HAUS7: variants seen among roughly 807,000 people sequenced by gnomAD.
HAUS7 encodes HAUS augmin like complex subunit 7.
Under a neutral mutation model 28.4 loss-of-function variants are expected in HAUS7, and 3 were observed. That is an observed-to-expected ratio of 0.11 (90% CI 0.05 to 0.27). The LOEUF is 0.27. Ranked by LOEUF, HAUS7 falls within the 10% of genes least tolerant of loss-of-function variation. The pLI, the probability that HAUS7 is intolerant of heterozygous loss-of-function variation, is 1.00. For missense variants in HAUS7, 284 were observed against 297.3 expected, an observed-to-expected ratio of 0.96 and a Z score of 0.33; for synonymous variants, 165 against 132.1, an observed-to-expected ratio of 1.25 and a Z score of -1.71.
Position 153,447,690 on chromosome X carries a change from T to C in HAUS7, c.*188A>G. Reference sequence around the variant, plus strand: ...TGCTTAGAAACCAAGGCTTTCTTTGTGTCCAAGTCAAACCGCCCGTCTGTC... The same window carrying C: ...TGCTTAGAAACCAAGGCTTTCTTTGCGTCCAAGTCAAACCGCCCGTCTGTC... On this transcript the variant is annotated 3_prime_UTR_variant, in exon 10 of 10. Transcript: ENST00000370211. 1.8e-6 allele frequency: 1 copy of C among 563,954 alleles called. No individual in the cohort carries two copies. Among genetic ancestry groups the C allele is most frequent in the South Asian group, 2.3e-5 (1 of 44,309 alleles). 46.5% of individuals were successfully genotyped at this position (563,954 alleles called of 1,213,427 possible). A position where few individuals can be genotyped will look rare whatever the true frequency, so the allele number is the denominator to read the frequency against.
intron 1 of HAUS7, chrX:153,485,632 G>A (rs2089631256): frequency 3.9e-6 from 1 of 253,499 alleles, no homozygotes; most frequent in Non-Finnish European, 5.8e-6. Flanking sequence ...CCCAGCTGTT[G>A]AGAGTTCGGG....
upstream of HAUS7, among the ~76,000 whole-genome samples, chrX:153,471,932 T>C (rs187477331): frequency 8.9e-6 from 1 of 112,632 alleles, no homozygotes; most frequent in African/African-American, 3.2e-5. Context: ...TCAAAGGCTT[T>C]GGGATTTTTT....
At chrX:153,464,800 TG>T (rs2089435864) in intron 3 of HAUS7, among the ~76,000 whole-genome samples, 187 bp downstream of exon 3, 1 of 112,177 alleles carries the variant, frequency 8.9e-6, no homozygotes, top group South Asian at 3.7e-4. Context: ...GGGACTGATG[TG>T]CTCTAGGTCC....
At chrX:153,470,690 C>A, upstream of HAUS7, 1 of 958,555 alleles carries the variant, frequency 1.0e-6, no homozygotes, top group Non-Finnish European at 1.4e-6. Flanking sequence ...TCCCATTGGG[C>A]GACATCTCCG....
chrX:153,454,804 C>T, intron 8 of HAUS7: 1 of 749,421 alleles, frequency 1.3e-6, no homozygotes, highest in Admixed American at 2.8e-5. Flanking sequence ...CGTGTCCTCC[C>T]AGCCCCAGCA....
upstream of HAUS7, chrX:153,470,745 A>C (rs2089513562): frequency 5.3e-6 from 3 of 570,836 alleles, no homozygotes; most frequent in Non-Finnish European, 5.5e-6. Flanking sequence ...GGCACCACCC[A>C]GAGGCAGGAC....
upstream of HAUS7, among the ~76,000 whole-genome samples, chrX:153,474,842 A>C (rs1410784015): frequency 1.8e-5 from 2 of 110,539 alleles, no homozygotes; most frequent in East Asian, 5.8e-4. Context: ...GCAGCCGCGC[A>C]GGCGGCGGCA....
chrX:153,464,891 G>T, intron 3 of HAUS7, 97 bp downstream of exon 3: 1 of 600,403 alleles, frequency 1.7e-6, no homozygotes, highest in Non-Finnish European at 2.9e-6. Flanking sequence ...CACACAACAT[G>T]CACCACCTAA....
At chrX:153,473,017 C>A (rs1194991099), upstream of HAUS7, among the ~76,000 whole-genome samples, 6 of 111,903 alleles carry the variant, frequency 5.4e-5, no homozygotes, top group African/African-American at 9.8e-5. Context: ...CGGCACTGGC[C>A]CCGCTGTGCC....
At chrX:153,480,101 C>T (rs1313083723) in intron 1 of HAUS7, among the ~76,000 whole-genome samples, 1 of 111,895 alleles carries the variant, frequency 8.9e-6, no homozygotes, top group Non-Finnish European at 1.9e-5. Flanking sequence ...CGTGTGAAGT[C>T]CTTGCTCACT....
chrX:153,457,095 A>C (rs2089323303), intron 5 of HAUS7, 42 bp downstream of exon 5: 4 of 854,339 alleles, frequency 4.7e-6, no homozygotes, highest in East Asian at 3.1e-5. Flanking sequence ...GGACCAAGAG[A>C]AGCCCGTCAA....
intron 1 of HAUS7, among the ~76,000 whole-genome samples, chrX:153,478,415 A>G (rs112100840): frequency 0.012 from 1,333 of 111,762 alleles, 25 homozygotes; most frequent in African/African-American, 0.041. Flanking sequence ...TTTCCACCTC[A>G]TGTCATCCTG....
Position 153,454,472 on chromosome X carries a change from C to T in HAUS7, c.967G>A (p.Ala323Thr). Residue 323 changes from alanine to threonine, a missense_variant, in exon 9 of 10, where the codon GCG becomes ACG. Transcript: ENST00000370211. ...QVVMAVADTS[A>T]KAVETVKKQQ... Reference sequence around the variant, plus strand: ...TTCTTCACGGTCTCCACGGCCTTCGCAGAGGTGTCAGCAACTGCCATGACC... The same window carrying T: ...TTCTTCACGGTCTCCACGGCCTTCGTAGAGGTGTCAGCAACTGCCATGACC... 9.9e-7 allele frequency: 1 copy of T among 1,007,532 alleles called. No homozygotes were observed. The highest frequency in any genetic ancestry group is 1.9e-5 in the South Asian group (1 of 53,502). 83.0% of individuals were successfully genotyped at this position (1,007,532 alleles called of 1,213,427 possible). A position where few individuals can be genotyped will look rare whatever the true frequency, so the allele number is the denominator to read the frequency against.
At chrX:153,492,036 G>T (rs782241168) in intron 1 of HAUS7, among the ~76,000 whole-genome samples, 19 of 112,435 alleles carry the variant, frequency 1.7e-4, no homozygotes, top group African/African-American at 6.1e-4. Flanking sequence ...CCTGTCTGCC[G>T]CGGGTTCCTG....
intron 1 of HAUS7, chrX:153,486,089 A>G (rs1422224957): frequency 5.3e-6 from 5 of 943,316 alleles, no homozygotes; most frequent in Admixed American, 3.4e-5. Context: ...GAGCCACAAC[A>G]GGATCAGGTA....
intron 9 of HAUS7, among the ~76,000 whole-genome samples, chrX:153,453,673 A>G (rs1556981416): frequency 9.0e-6 from 1 of 110,870 alleles, no homozygotes; most frequent in Non-Finnish European, 1.9e-5. Context: ...TCAATGAGAG[A>G]AAGAGTGATT....
At chrX:153,461,975 G>A (rs1048522863) in intron 4 of HAUS7, 5 of 456,466 alleles carry the variant, frequency 1.1e-5, no homozygotes, top group Non-Finnish European at 1.5e-5. Flanking sequence ...TCCCTAAATC[G>A]TAGAAAACCA....
intron 1 of HAUS7, among the ~76,000 whole-genome samples, chrX:153,477,771 C>T (rs868972405): frequency 8.9e-6 from 1 of 112,362 alleles, no homozygotes; most frequent in Non-Finnish European, 1.9e-5. Flanking sequence ...CTGGTCTGTA[C>T]GTGGCAGGGT....
chrX:153,464,630 G>A (rs1321198375), intron 3 of HAUS7, among the ~76,000 whole-genome samples: 2 of 112,704 alleles, frequency 1.8e-5, no homozygotes, highest in East Asian at 5.6e-4. Flanking sequence ...TTTCTACCAA[G>A]AAATGATAGA....
Sources: allele counts gnomAD v4.1 joint callset (sites outside exome capture counted in the v4.1 genomes callset), GRCh38; gene constraint gnomAD v4.1.1; transcripts MANE v1.5; gene names NCBI Gene and HGNC (gene_info 2026-07-23, HGNC 2026-07-21).